Variants in CFAP65 observed in about 807,000 individuals in gnomAD.
CFAP65 encodes the protein cilia and flagella associated protein 65, also known as cilia- and flagella-associated protein 65.
In CFAP65, 155 loss-of-function variants were observed where a neutral mutation model predicts 208.0. The observed-to-expected ratio is 0.75, with a 90% CI of 0.65 to 0.85. The LOEUF (loss-of-function observed/expected upper bound fraction) is 0.85, where lower values mean the gene tolerates loss of function less well. Among genes scored for constraint, CFAP65 ranks in the 40% least tolerant of loss-of-function variants. CFAP65 has a pLI of 0.00. For synonymous variants in CFAP65, 970 were observed against 986.3 expected (o/e 0.98, Z 0.31); for missense variants, 2,294 against 2,451.3 (o/e 0.94, Z 1.36).
chr2:219,039,486 G>T (rs1293070255), intron 2 of CFAP65, among the ~76,000 whole-genome samples: 1 of 152,016 alleles, frequency 6.6e-6, no homozygotes, highest in Non-Finnish European at 1.5e-5. Flanking sequence ...ACCTCAAATG[G>T]TTCATCTCTG....
Position 219,003,169 on chromosome 2 carries a change from G to T in CFAP65, c.5659C>A (p.Arg1887Ser). ...CAGAACGGCGGCAGGGCGATGACGC[G>T]TGGCCGCGAGGTGAGTACCACCTCC... The part of the protein sequence containing the change: ...RGEVVLTSRP[R>S]VIALPPFCVP... Residue 1887 changes from arginine to serine, a missense_variant, in exon 34 of 35, where the codon CGC becomes AGC. Around this residue, in one of 2 missense-constraint regions of CFAP65, gnomAD observed 1,427 missense variants for 1,438.7 expected, o/e 0.99. Transcript: ENST00000341552. The surrounding 1 kb of genome is among the most constrained non-coding windows in gnomAD (Gnocchi z 4.4). The T allele has an allele frequency of 6.5e-7, 1 of 1,545,678 alleles. No individual in the cohort carries two copies. The highest frequency in any genetic ancestry group is 8.7e-7 in the Non-Finnish European group (1 of 1,143,828).
chr2:219,013,844 G>A, intron 22 of CFAP65, 24 bp downstream of exon 22: 1 of 1,561,436 alleles, frequency 6.4e-7, no homozygotes, highest in Non-Finnish European at 8.7e-7. Flanking sequence ...TGGAAGTGCA[G>A]GGGGTTTGGG....
chr2:219,006,432 C>T (rs879513290), intron 30 of CFAP65, 33 bp downstream of exon 30: 1 of 1,613,102 alleles, frequency 6.2e-7, no homozygotes, highest in Admixed American at 1.7e-5. Flanking sequence ...CCAAGTTGTC[C>T]CAAGAAGATG....
intron 14 of CFAP65, 137 bp from the exon 15 acceptor site, chr2:219,024,397 C>T (rs919923737): frequency 3.7e-5 from 39 of 1,053,452 alleles, no homozygotes; most frequent in African/African-American, 5.1e-5. Flanking sequence ...AGTCAACGCC[C>T]TGGGAACGGG....
rs148653406 is a variant in CFAP65, at chr2:219,016,931, T to C, written c.3602+2120A>G. On this transcript the variant is annotated intron_variant, in intron 21 of 34. Transcript: ENST00000341552. ...TCCACCCGCTGCTCCAGCCACGCGGTGTACACACCAGGCCCTCTGTCTGGA... is the reference window on the plus strand; with the variant it reads ...TCCACCCGCTGCTCCAGCCACGCGGCGTACACACCAGGCCCTCTGTCTGGA... 7.9e-5 allele frequency among the ~76,000 whole-genome samples: 12 copies of C among 152,340 alleles called. No homozygotes were observed. The East Asian group carries it at 2.1e-3, about 27-fold the overall frequency.
At position 219,023,412 on chromosome 2, in the gene CFAP65, C is replaced by A. The variant is rs113285433; in HGVS notation, c.2615G>T (p.Arg872Leu). Residue 872 changes from arginine (R) to leucine (L), a missense_variant, in exon 16 of 35, where the codon CGG (arginine) becomes CTG (leucine). Physicochemically the swap from Arg to Leu is moderately radical, Grantham distance 102. Transcript: ENST00000341552. ...QYLKEVSMYS[R>L]EEPLQLKLDT... The stretch of plus-strand genomic sequence containing the variant: ...CAGCTTCAGCTGCAGTGGCTCCTCC[C>A]GGCTGTACATGCTCACCTCCTGGAG... The A allele has an allele frequency of 6.3e-7, 1 of 1,580,626 alleles. No individual in the cohort carries two copies. Among genetic ancestry groups the A allele is most frequent in the African/African-American group, 1.3e-5 (1 of 74,732 alleles).
intron 13 of CFAP65, chr2:219,027,330 G>A: frequency 6.9e-7 from 1 of 1,443,338 alleles, no homozygotes; most frequent in Non-Finnish European, 9.1e-7. Flanking sequence ...GACTAGTAGA[G>A]AAGCTAGGAG....
intron 31 of CFAP65, 100 bp from the exon 32 acceptor site, chr2:219,005,662 TGA>T: frequency 6.9e-7 from 1 of 1,442,770 alleles, no homozygotes; most frequent in South Asian, 1.2e-5. Context: ...AGGACACAGA[TGA>T]GTTTGAGGCA....
rs1322907904 is a variant in CFAP65, at chr2:219,032,383, C to T, written c.645+87G>A. 6.1e-5 allele frequency: 72 copies of T among 1,175,368 alleles called. No individual in the cohort carries two copies. The highest frequency in any genetic ancestry group is 8.1e-5 in the Non-Finnish European group (67 of 831,584). 72.8% of individuals were successfully genotyped at this position (1,175,368 alleles called of 1,614,324 possible). A position where few individuals can be genotyped will look rare whatever the true frequency, so the allele number is the denominator to read the frequency against. ...CGGGCAGCATGTGTGTGTGCCGGGG[C>T]GCTCCTGGTTGCTCTGTCCTGTTTT... On this transcript the variant is annotated intron_variant, in intron 6 of 34. Transcript: ENST00000341552. The surrounding 1 kb of genome is among the most constrained non-coding windows in gnomAD (Gnocchi z 5.5).
In CFAP65 at chr2:219,022,334, G is replaced by C; in HGVS notation, c.2821-5C>G. ...GCTGAAGGTCCACGTCAGCGTCTGG[G>C]GTCACAGAAATGATCCCTGCAGTGG... On this transcript the variant is annotated splice_polypyrimidine_tract_variant and splice_region_variant and intron_variant, in intron 16 of 34. Coordinates refer to ENST00000341552, the MANE Select transcript of CFAP65 (RefSeq NM_194302.4). 6.3e-7 allele frequency: 1 copy of C among 1,592,362 alleles called. No homozygotes were observed. Among genetic ancestry groups the C allele is most frequent in the Non-Finnish European group, 8.6e-7 (1 of 1,169,466 alleles).
At chr2:219,027,470 G>A (rs747309733) in intron 13 of CFAP65, 180 bp downstream of exon 13, 17 of 1,557,268 alleles carry the variant, frequency 1.1e-5, no homozygotes, top group Admixed American at 5.8e-5. Context: ...CAGATGGGCC[G>A]AGCTAGGCCA....
rs1219090332 is a variant in CFAP65 at position 219,004,829 on chromosome 2, C to T, written c.5052-374G>A. ...GCCCCACTGTCCTGGGGTGGGGGGG[C>T]CGGGGGGGGGGACCGTGGTGGGATC... On this transcript the variant is annotated intron_variant, in intron 32 of 34. Coordinates refer to ENST00000341552, the MANE Select transcript of CFAP65 (RefSeq NM_194302.4). This position sits in a 1 kb window ranked among gnomAD's most constrained non-coding sequence, Gnocchi z 4.7. Among the ~76,000 whole-genome samples the T allele has an allele frequency of 1.2e-5, 1 of 81,482 alleles. No homozygotes were observed. Among genetic ancestry groups the T allele is most frequent in the East Asian group, 3.6e-4 (1 of 2,760 alleles). The allele number at this position is 81,482 out of a possible 152,430, so 53.5% of individuals were successfully genotyped here. A position where few individuals can be genotyped will look rare whatever the true frequency, so the allele number is the denominator to read the frequency against.
intron 11 of CFAP65, 99 bp downstream of exon 11, chr2:219,029,304 G>A: frequency 6.9e-7 from 1 of 1,457,778 alleles, no homozygotes; most frequent in South Asian, 1.3e-5. Context: ...AGCCCTAGAA[G>A]TTCCAGAATA....
chr2:219,011,055 C>G (rs542188274), intron 24 of CFAP65, 59 bp from the exon 25 acceptor site: 155 of 1,498,810 alleles, frequency 1.0e-4, no homozygotes, highest in Non-Finnish European at 1.4e-4. Context: ...AATCAGAAAG[C>G]CTGGGATGCT....
chr2:219,010,600 G>T lies in CFAP65; in HGVS notation c.4254C>A (p.Asn1418Lys). The part of the protein sequence containing the change: ...HMMGDTAPFH[N>K]ISSWDNSSIH... ...TGGAACTGTTGTCCCACGAGGAGAT[G>T]TTGTGGAATGGGGCTGTGTCCCCCA... is the stretch of plus-strand genomic sequence containing the variant. Residue 1418 changes from asparagine to lysine, a missense_variant, in exon 26 of 35, where the codon AAC (asparagine) becomes AAA (lysine). By Grantham distance (94) the Asn-to-Lys change is moderately conservative. This residue lies in a region of CFAP65 where 1,427 missense variants were observed against 1,438.7 expected (regional missense o/e 0.99). Transcript: ENST00000341552. 6.2e-7 allele frequency: 1 copy of T among 1,612,052 alleles called. No individual in the cohort carries two copies. The highest frequency in any genetic ancestry group is 1.3e-5 in the African/African-American group (1 of 74,992).
intron 23 of CFAP65, 21 bp downstream of exon 23, chr2:219,013,498 G>A (rs1156338455): frequency 1.3e-6 from 2 of 1,589,236 alleles, no homozygotes; most frequent in South Asian, 2.3e-5. Flanking sequence ...CTAGGGCAGG[G>A]CCAGTGTGCT....
Position 219,032,602 on chromosome 2 carries a change from C to T in CFAP65, c.543-30G>A, listed in dbSNP as rs1296234558. 6 of 1,551,798 alleles carry T rather than the reference C, an allele frequency of 3.9e-6. No homozygotes were observed. In the African/African-American group the frequency reaches 8.2e-5, roughly 21 times the overall value. The stretch of plus-strand genomic sequence containing the variant: ...AGGAGAGAGCCGGTGGGGAGCACCT[C>T]AGATCAGGGCTCAGAACAACTGGAA... On this transcript the variant is annotated intron_variant, in intron 5 of 34. Coordinates refer to ENST00000341552, the MANE Select transcript of CFAP65 (RefSeq NM_194302.4). This position sits in a 1 kb window ranked among gnomAD's most constrained non-coding sequence, Gnocchi z 5.5.
In CFAP65 at chr2:219,028,250, T is replaced by C; in HGVS notation, c.1802A>G (p.Glu601Gly). 8 of 1,612,200 alleles carry C rather than the reference T, an allele frequency of 5.0e-6. No homozygotes were observed. Among genetic ancestry groups the C allele is most frequent in the Non-Finnish European group, 6.8e-6 (8 of 1,178,582 alleles). The change falls in exon 12 of 35, where the codon GAG (glutamate) becomes GGG (glycine). Residue 601 changes from glutamate (E) to glycine (G), a missense_variant. Coordinates refer to ENST00000341552, the MANE Select transcript of CFAP65 (RefSeq NM_194302.4). ...PPDILDAMLK[E>G]KKLAQDQNGA... ...GTTCTGGTCCTGTGCCAGCTTCTTC[T>C]CCTTCAGCATGGCATCCAGGATGTC...
rs191326245 is a variant in CFAP65, at chr2:219,010,964, G to A, written c.3990C>T (p.Pro1330=). 28 of 1,613,272 alleles carry A rather than the reference G, an allele frequency of 1.7e-5. No individual in the cohort carries two copies. Among genetic ancestry groups the A allele is most frequent in the South Asian group, 5.5e-5 (5 of 91,064 alleles). The stretch of plus-strand genomic sequence containing the variant: ...CATCGGTCTGGACCTCATATGTCAC[G>A]GGCACTGAGCCACCATTATACAGCT... ...IYELYNGGSV[P]VTYEVQTDVL... Residue 1330 remains proline, a synonymous_variant, in exon 25 of 35, where the codon CCC becomes CCT. Coordinates refer to ENST00000341552, the MANE Select transcript of CFAP65 (RefSeq NM_194302.4).
Sources: allele counts gnomAD v4.1 joint callset (sites outside exome capture counted in the v4.1 genomes callset), GRCh38; gene constraint gnomAD v4.1.1; regional missense constraint gnomAD v4.1.1; non-coding constraint Gnocchi (gnomAD v3.1); transcripts MANE v1.5; gene names NCBI Gene and HGNC (gene_info 2026-07-23, HGNC 2026-07-21).